TAFA2: variants seen among roughly 807,000 people sequenced by gnomAD.
TAFA2 encodes the protein TAFA chemokine like family member 2.
TAFA2 carries 7 observed loss-of-function variants against 18.8 expected under a neutral mutation model. That is an observed-to-expected ratio of 0.37 (90% confidence interval 0.21 to 0.70). The LOEUF is 0.70. Ranked by LOEUF, TAFA2 falls within the 30% of genes least tolerant of loss-of-function variation. The pLI is 0.53. For missense variants in TAFA2, 122 were observed against 158.1 expected (o/e 0.77, Z 1.23); for synonymous variants, 60 against 54.2 (o/e 1.11, Z -0.47).
At chr12:62,229,115 G>T (rs539108902) in intron 1 of TAFA2, among the ~76,000 whole-genome samples, 1 of 151,934 alleles carries the variant, frequency 6.6e-6, no homozygotes, top group Admixed American at 6.6e-5. Context: ...ATTCTTGGTG[G>T]TGTCTAGGTT....
At chr12:61,734,583 C>A (rs955051686) in intron 4 of TAFA2, among the ~76,000 whole-genome samples, 2 of 151,846 alleles carry the variant, frequency 1.3e-5, no homozygotes, top group Non-Finnish European at 2.9e-5. Flanking sequence ...GGCCCTATCC[C>A]ATTTATGGCA....
intron 1 of TAFA2, among the ~76,000 whole-genome samples, chr12:61,973,719 G>A (rs1879336820): frequency 6.6e-6 from 1 of 151,676 alleles, no homozygotes; most frequent in Admixed American, 6.6e-5. Context: ...ATTAGCCTTT[G>A]AGAGCAGCAG....
chr12:61,845,153 G>T (rs913899053), intron 2 of TAFA2, among the ~76,000 whole-genome samples: 3 of 152,108 alleles, frequency 2.0e-5, no homozygotes, highest in Non-Finnish European at 4.4e-5. Context: ...GCAATTAGTT[G>T]AGTTGGCATT....
At chr12:61,900,970 A>T (rs1372227938) in intron 1 of TAFA2, among the ~76,000 whole-genome samples, 1 of 152,086 alleles carries the variant, frequency 6.6e-6, no homozygotes, top group Non-Finnish European at 1.5e-5. Flanking sequence ...GATCATGTCA[A>T]GTTTTTTTCA....
chr12:61,796,980 C>T (rs1871213626), intron 2 of TAFA2, among the ~76,000 whole-genome samples: 1 of 152,152 alleles, frequency 6.6e-6, no homozygotes, highest in African/African-American at 2.4e-5. Context: ...CTCTCTCAAA[C>T]AGCTGTTACA....
intron 2 of TAFA2, among the ~76,000 whole-genome samples, chr12:61,803,356 A>T (rs1871473241): frequency 6.6e-6 from 1 of 151,950 alleles, no homozygotes. Flanking sequence ...TGGCAATGTT[A>T]TAAAATTAAC....
intron 1 of TAFA2, among the ~76,000 whole-genome samples, chr12:62,206,603 T>C (rs1592400527): frequency 6.6e-6 from 1 of 152,232 alleles, no homozygotes; most frequent in East Asian, 1.9e-4. Context: ...TCACAGCTCA[T>C]TGCAGCCTCA....
At chr12:62,218,220 C>G (rs1314148386) in intron 1 of TAFA2, among the ~76,000 whole-genome samples, 2 of 151,930 alleles carry the variant, frequency 1.3e-5, no homozygotes, top group African/African-American at 4.8e-5. Context: ...TGGTCTTGAA[C>G]CCCTAAACTC....
At chr12:62,202,448 T>A (rs1245659) in intron 1 of TAFA2, among the ~76,000 whole-genome samples, 6 of 151,796 alleles carry the variant, frequency 4.0e-5, no homozygotes, top group African/African-American at 1.2e-4. Flanking sequence ...CCAGTTCAAG[T>A]GATTCTCTCG....
chr12:62,052,646 C>T (rs1042944539), intron 1 of TAFA2, among the ~76,000 whole-genome samples: 11 of 152,106 alleles, frequency 7.2e-5, no homozygotes, highest in South Asian at 2.1e-4. Context: ...CCCCAGTATA[C>T]GCAATTGACA....
At chr12:62,167,157 A>T (rs2062446513) in intron 1 of TAFA2, among the ~76,000 whole-genome samples, 1 of 152,152 alleles carries the variant, frequency 6.6e-6, no homozygotes, top group African/African-American at 2.4e-5. Flanking sequence ...ATTTATGTAT[A>T]TATTTTTCTT....
At chr12:62,022,116 C>T (rs1216457991) in intron 1 of TAFA2, 2 of 489,732 alleles carry the variant, frequency 4.1e-6, no homozygotes, top group East Asian at 9.4e-5. Flanking sequence ...TGGCCCTTCT[C>T]ACCAAGAACA....
At chr12:61,826,321 A>C (rs1287419069) in intron 2 of TAFA2, among the ~76,000 whole-genome samples, 2 of 149,260 alleles carry the variant, frequency 1.3e-5, no homozygotes, top group African/African-American at 5.0e-5. Flanking sequence ...GATGTTCAAA[A>C]CTTCTAATTA....
chr12:61,804,745 C>T (rs1871540501), intron 2 of TAFA2, among the ~76,000 whole-genome samples: 6 of 151,990 alleles, frequency 3.9e-5, no homozygotes, highest in Non-Finnish European at 8.8e-5. Flanking sequence ...CCCATTATCT[C>T]ATTTAAACCT....
chr12:62,081,280 G>A (rs1365340858), intron 1 of TAFA2, among the ~76,000 whole-genome samples: 1 of 151,954 alleles, frequency 6.6e-6, no homozygotes, highest in Non-Finnish European at 1.5e-5. Context: ...AATTTTTCAA[G>A]TTACTTTCAT....
At chr12:61,938,235 A>AT (rs1877853833) in intron 1 of TAFA2, among the ~76,000 whole-genome samples, 1 of 147,574 alleles carries the variant, frequency 6.8e-6, no homozygotes, top group Non-Finnish European at 1.5e-5. Context: ...TATGGTAAAA[A>AT]AAAAAAAAAA....
intron 1 of TAFA2, among the ~76,000 whole-genome samples, chr12:62,055,531 A>G (rs1882166509): frequency 6.6e-6 from 1 of 152,208 alleles, no homozygotes; most frequent in African/African-American, 2.4e-5. Flanking sequence ...CACAATTACT[A>G]TTGTGCCACC....
chr12:61,972,530 C>G (rs377168689), intron 1 of TAFA2, among the ~76,000 whole-genome samples: 2 of 151,620 alleles, frequency 1.3e-5, no homozygotes, highest in African/African-American at 4.8e-5. Flanking sequence ...CTTGGCCAAA[C>G]CCTGACTGAT....
intron 1 of TAFA2, among the ~76,000 whole-genome samples, chr12:61,949,025 G>C (rs1408646175): frequency 6.6e-6 from 1 of 152,184 alleles, no homozygotes; most frequent in African/African-American, 2.4e-5. Context: ...CAACTTGACA[G>C]GGCCATGGGG....
Sources: gnomAD v4.1 joint callset for allele counts (sites outside exome capture counted in the v4.1 genomes callset) on GRCh38, gnomAD v4.1.1 for gene constraint, MANE v1.5 for transcripts, NCBI Gene and HGNC (gene_info 2026-07-23, HGNC 2026-07-21) for gene names.